Variants in LGALS3BP observed in about 807,000 individuals in gnomAD.
The protein encoded by LGALS3BP is galectin-3-binding protein.
Under a neutral mutation model 22.9 loss-of-function variants are expected in LGALS3BP, and 25 were observed. The observed-to-expected ratio is 1.09, with a 90% CI of 0.80 to 1.53. The LOEUF is 1.53. Among genes scored for constraint, LGALS3BP ranks in the 40% most tolerant of loss-of-function variants. LGALS3BP has a pLI of 0.00. For missense variants in LGALS3BP, 718 were observed against 752.0 expected (o/e 0.95, Z 0.53); for synonymous variants, 335 against 331.1 (o/e 1.01, Z -0.13).
In LGALS3BP at chr17:78,972,354, GT is replaced by G. The variant is rs747815135; in HGVS notation, c.979del (p.Thr327ProfsTer24). The G allele has an allele frequency of 6.2e-7, 1 of 1,613,374 alleles. No individual in the cohort carries two copies. The highest frequency in any genetic ancestry group is 8.5e-7 in the Non-Finnish European group (1 of 1,180,024). Reference protein sequence around the residue: ...SELALLKAVDTWSWGERASHE... With the variant: ...SELALLKAVDXWSWGERASHE... ...GGAGGCACGCTCCCCCCAGCTCCAG[GT>G]GTCCACGGCCTTCAGTAGGGCCAGC... On this transcript the variant is annotated frameshift_variant, in exon 6 of 6. Coordinates refer to ENST00000262776, the MANE Select transcript of LGALS3BP (RefSeq NM_005567.4). LOFTEE classifies it low-confidence loss of function (END_TRUNC). The surrounding 1 kb of genome is among the most constrained non-coding windows in gnomAD (Gnocchi z 5.1).
chr17:78,973,915 C>T lies in LGALS3BP; in HGVS notation c.377-693G>A, dbSNP rs2070696930. On this transcript the variant is annotated intron_variant, in intron 4 of 5. Transcript: ENST00000262776. This position sits in a 1 kb window ranked among gnomAD's most constrained non-coding sequence, Gnocchi z 5.8. Reference sequence around the variant, plus strand: ...CCCCAGCTCCCTCCCACCTGCACGCCTTACCACAGCTCTCCTGCCCCAGGA... The same window carrying T: ...CCCCAGCTCCCTCCCACCTGCACGCTTTACCACAGCTCTCCTGCCCCAGGA... 6.6e-6 allele frequency among the ~76,000 whole-genome samples: 1 copy of T among 152,388 alleles called. No homozygotes were observed. The highest frequency in any genetic ancestry group is 1.5e-5 in the Non-Finnish European group (1 of 68,042).
chr17:78,975,918 C>A (rs769738919), intron 3 of LGALS3BP, 47 bp downstream of exon 3: 1 of 1,428,358 alleles, frequency 7.0e-7, no homozygotes, highest in South Asian at 1.4e-5. Flanking sequence ...TGGGAGCTGG[C>A]TGTGCTGTGG....
In LGALS3BP at chr17:78,973,054, G is replaced by A. The variant is rs1453278819; in HGVS notation, c.545C>T (p.Ala182Val). The A allele has an allele frequency of 2.5e-6, 4 of 1,613,882 alleles. No individual in the cohort carries two copies. The highest frequency in any genetic ancestry group is 3.4e-6 in the Non-Finnish European group (4 of 1,179,984). The change falls in exon 5 of 6, where the codon GCC becomes GTC. Residue 182 changes from alanine to valine, a missense_variant. Coordinates refer to ENST00000262776, the MANE Select transcript of LGALS3BP (RefSeq NM_005567.4). This position sits in a 1 kb window ranked among gnomAD's most constrained non-coding sequence, Gnocchi z 5.8. The stretch of plus-strand genomic sequence containing the variant: ...GCCCGGCTCCTTCCACAGGGCCTGG[G>A]CCTCCAGGTTGGCAGTCAGGATGAC... ...HTVILTANLE[A>V]QALWKEPGSN...
rs775100359 is a variant in LGALS3BP at position 78,971,756 on chromosome 17, G to C, written c.1578C>G (p.Cys526Trp). The C allele has an allele frequency of 6.2e-7, 1 of 1,614,100 alleles. No homozygotes were observed. The highest frequency in any genetic ancestry group is 8.5e-7 in the Non-Finnish European group (1 of 1,180,046). The change falls in exon 6 of 6, where the codon TGC (cysteine) becomes TGG (tryptophan). Residue 526 changes from cysteine (C) to tryptophan (W), a missense_variant. Coordinates refer to ENST00000262776, the MANE Select transcript of LGALS3BP (RefSeq NM_005567.4). This position sits in a 1 kb window ranked among gnomAD's most constrained non-coding sequence, Gnocchi z 5.6. ...IAYENKALML[C>W]EGLFVADVTD... The stretch of plus-strand genomic sequence containing the variant: ...TGACGTCTGCCACGAAGAGCCCTTC[G>C]CAGAGCATCAGGGCTTTGTTTTCGT...
chr17:78,975,906 C>T, intron 3 of LGALS3BP, 59 bp downstream of exon 3: 1 of 1,334,838 alleles, frequency 7.5e-7, no homozygotes, highest in South Asian at 1.5e-5. Context: ...ATTTGCCCCT[C>T]CTGGGAGCTG....
Position 78,971,759 on chromosome 17 carries a change from G to A in LGALS3BP, c.1575C>T (p.Leu525=). 1 of 1,614,114 alleles carries A rather than the reference G, an allele frequency of 6.2e-7. No homozygotes were observed. The highest frequency in any genetic ancestry group is 8.5e-7 in the Non-Finnish European group (1 of 1,180,034). The change falls in exon 6 of 6, where the codon CTC becomes CTT. Residue 525 remains leucine (L), a synonymous_variant. Transcript: ENST00000262776. The surrounding 1 kb of genome is among the most constrained non-coding windows in gnomAD (Gnocchi z 5.6). ...TIAYENKALM[L]CEGLFVADVT... ...CGTCTGCCACGAAGAGCCCTTCGCA[G>A]AGCATCAGGGCTTTGTTTTCGTAGG...
chr17:78,979,342 G>A (rs1190343938), intron 1 of LGALS3BP: 1 of 152,310 alleles, frequency 6.6e-6, no homozygotes, highest in Non-Finnish European at 1.5e-5. Flanking sequence ...TGTACACAGA[G>A]GCCCTGTGGG....
intron 1 of LGALS3BP, 116 bp from the exon 2 acceptor site, chr17:78,977,330 C>T: frequency 1.3e-6 from 1 of 799,576 alleles, no homozygotes. Context: ...AGGCGGGGTC[C>T]CTCTCTTGCA....
chr17:78,972,437 G>A lies in LGALS3BP; in HGVS notation c.897C>T (p.Val299=). 1 of 1,613,424 alleles carries A rather than the reference G, an allele frequency of 6.2e-7. No homozygotes were observed. The highest frequency in any genetic ancestry group is 8.5e-7 in the Non-Finnish European group (1 of 1,179,980). Residue 299 remains valine, a synonymous_variant, in exon 6 of 6, where the codon GTC becomes GTT. Coordinates refer to ENST00000262776, the MANE Select transcript of LGALS3BP (RefSeq NM_005567.4). The surrounding 1 kb of genome is among the most constrained non-coding windows in gnomAD (Gnocchi z 5.1). The part of the protein sequence containing the change: ...ALTQAEAWPS[V]PTDLLQLLLP... ...GCAGCAGTTGGAGCAGGTCTGTGGGGACACTGGGCCAGGCCTCGGCCTGCG... is the reference window on the plus strand; with the variant it reads ...GCAGCAGTTGGAGCAGGTCTGTGGGAACACTGGGCCAGGCCTCGGCCTGCG...
chr17:78,971,518 G>T lies in LGALS3BP; in HGVS notation c.*58C>A. The T allele has an allele frequency of 6.6e-7, 1 of 1,509,854 alleles. No homozygotes were observed. The highest frequency in any genetic ancestry group is 9.0e-7 in the Non-Finnish European group (1 of 1,108,686). 93.5% of individuals were successfully genotyped at this position (1,509,854 alleles called of 1,614,324 possible). ...GAGAGGAAGGAAGCCGAGGAGGGGA[G>T]CCTGCAGTGAGGGCGTCCTGGGGTT... On this transcript the variant is annotated 3_prime_UTR_variant, in exon 6 of 6. Transcript: ENST00000262776. This position sits in a 1 kb window ranked among gnomAD's most constrained non-coding sequence, Gnocchi z 5.6.
At position 78,972,090 on chromosome 17, in the gene LGALS3BP, C is replaced by T. The variant is rs560851327; in HGVS notation, c.1244G>A (p.Ser415Asn). ...CCAGGAACTGTCTGTCACAAAGGCA[C>T]TCCAGGTGGGCGAGGTGTAAATCCG... The part of the protein sequence containing the change: ...KPRIYTSPTW[S>N]AFVTDSSWSA... The change falls in exon 6 of 6, where the codon AGT becomes AAT. Residue 415 changes from serine to asparagine, a missense_variant. Transcript: ENST00000262776. The surrounding 1 kb of genome is among the most constrained non-coding windows in gnomAD (Gnocchi z 5.1). 4.1e-5 allele frequency: 66 copies of T among 1,613,558 alleles called. No homozygotes were observed. In the South Asian group the frequency reaches 6.7e-4, roughly 16 times the overall value.
Position 78,972,543 on chromosome 17 carries a change from T to C in LGALS3BP, c.791A>G (p.Tyr264Cys). 6.2e-7 allele frequency: 1 copy of C among 1,609,878 alleles called. No individual in the cohort carries two copies. The highest frequency in any genetic ancestry group is 8.5e-7 in the Non-Finnish European group (1 of 1,177,242). ...GTCCCCTGTGGCCACTGCATAGGCA[T>C]ACAGGTCCAGGGGCATCTGGAACGA... is the stretch of plus-strand genomic sequence containing the variant. ...DPSFQMPLDL[Y>C]AYAVATGDAL... The change falls in exon 6 of 6, where the codon TAT (tyrosine) becomes TGT (cysteine). Residue 264 changes from tyrosine to cysteine, a missense_variant. Coordinates refer to ENST00000262776, the MANE Select transcript of LGALS3BP (RefSeq NM_005567.4). This position sits in a 1 kb window ranked among gnomAD's most constrained non-coding sequence, Gnocchi z 5.1.
intron 2 of LGALS3BP, 111 bp downstream of exon 2, chr17:78,977,029 C>A: frequency 6.3e-6 from 7 of 1,118,282 alleles, no homozygotes; most frequent in Non-Finnish European, 8.0e-6. Context: ...ATCTGGCTAA[C>A]CGCTGGGCCC....
chr17:78,972,074 G>A lies in LGALS3BP; in HGVS notation c.1260C>T (p.Asp420=), dbSNP rs1318676810. 6.2e-7 allele frequency: 1 copy of A among 1,613,876 alleles called. No individual in the cohort carries two copies. Among genetic ancestry groups the A allele is most frequent in the Non-Finnish European group, 8.5e-7 (1 of 1,179,842 alleles). The part of the protein sequence containing the change: ...TSPTWSAFVT[D]SSWSARKSQL... ...GTGACTTCCGTGCACTCCAGGAACT[G>A]TCTGTCACAAAGGCACTCCAGGTGG... The change falls in exon 6 of 6, where the codon GAC becomes GAT. Residue 420 remains aspartate, a synonymous_variant. Coordinates refer to ENST00000262776, the MANE Select transcript of LGALS3BP (RefSeq NM_005567.4). This position sits in a 1 kb window ranked among gnomAD's most constrained non-coding sequence, Gnocchi z 5.1.
rs930485160 is a variant in LGALS3BP, at chr17:78,976,298, G to A, written c.53-142C>T. On this transcript the variant is annotated intron_variant, in intron 2 of 5. Coordinates refer to ENST00000262776, the MANE Select transcript of LGALS3BP (RefSeq NM_005567.4). This position sits in a 1 kb window ranked among gnomAD's most constrained non-coding sequence, Gnocchi z 4.6. Reference sequence around the variant, plus strand: ...AGGTCCCCTGGCCTCTCCATGAGGGGCACCTCCATGAGGGAGGAGTGGAAG... The same window carrying A: ...AGGTCCCCTGGCCTCTCCATGAGGGACACCTCCATGAGGGAGGAGTGGAAG... 5 of 698,384 alleles carry A rather than the reference G, an allele frequency of 7.2e-6. No homozygotes were observed. In the African/African-American group the frequency reaches 7.2e-5, roughly 10 times the overall value. The allele number at this position is 698,384 out of a possible 1,614,324, so 43.3% of individuals were successfully genotyped here. A position where few individuals can be genotyped will look rare whatever the true frequency, so the allele number is the denominator to read the frequency against.
intron 4 of LGALS3BP, 83 bp downstream of exon 4, chr17:78,974,604 TG>T (rs975210293): frequency 4.6e-5 from 67 of 1,465,436 alleles, no homozygotes; most frequent in South Asian, 6.1e-5. Context: ...TTCATGTGCG[TG>T]GGGGGGTGGT....
chr17:78,972,749 AG>A lies in LGALS3BP; in HGVS notation c.630-46del, dbSNP rs748866890. 1.2e-5 allele frequency: 18 copies of A among 1,511,572 alleles called. No homozygotes were observed. The South Asian group carries it at 2.1e-4, about 18-fold the overall frequency. 93.6% of individuals were successfully genotyped at this position (1,511,572 alleles called of 1,614,324 possible). ...GCAGATGCCGGCCCCACAGGACAGC[AG>A]GGGAGCCCTGGGCCCAACTGTCCAA... On this transcript the variant is annotated intron_variant, in intron 5 of 5. Coordinates refer to ENST00000262776, the MANE Select transcript of LGALS3BP (RefSeq NM_005567.4). The surrounding 1 kb of genome is among the most constrained non-coding windows in gnomAD (Gnocchi z 5.1).
rs546992161 is a variant in LGALS3BP, at chr17:78,976,581, C to T, written c.53-425G>A. Reference sequence around the variant, plus strand: ...GCAGGCCTAGGGACCCCTGGGAGCACAGGCAGAATGTTTCCAGGGCAGATA... The same window carrying T: ...GCAGGCCTAGGGACCCCTGGGAGCATAGGCAGAATGTTTCCAGGGCAGATA... On this transcript the variant is annotated intron_variant, in intron 2 of 5. Transcript: ENST00000262776. The surrounding 1 kb of genome is among the most constrained non-coding windows in gnomAD (Gnocchi z 4.6). Among the ~76,000 whole-genome samples, 31 of 152,240 alleles carry T rather than the reference C, an allele frequency of 2.0e-4. No homozygotes were observed. Among genetic ancestry groups the T allele is most frequent in the African/African-American group, 7.5e-4 (31 of 41,550 alleles).
At position 78,976,156 on chromosome 17, in the gene LGALS3BP, C is replaced by G. The variant is rs751889736; in HGVS notation, c.53G>C (p.Gly18Ala). The change falls in exon 3 of 6, where the codon GGC (glycine) becomes GCC (alanine). Residue 18 changes from glycine (G) to alanine (A), a missense_variant and splice_region_variant. Coordinates refer to ENST00000262776, the MANE Select transcript of LGALS3BP (RefSeq NM_005567.4). The surrounding 1 kb of genome is among the most constrained non-coding windows in gnomAD (Gnocchi z 4.6). ...WVWLLVAGTQGVNDGDMRLAD... is the reference protein window; with the variant it reads ...WVWLLVAGTQAVNDGDMRLAD... ...CAGCCGCATGTCACCATCGTTCACG[C>G]CTGCAGGCAGAGACCAGCGAGGGCG... is the stretch of plus-strand genomic sequence containing the variant. The G allele has an allele frequency of 3.2e-6, 5 of 1,571,300 alleles. No homozygotes were observed. The South Asian group carries it at 5.8e-5, about 18-fold the overall frequency.
Sources: gnomAD v4.1 joint callset for allele counts (sites outside exome capture counted in the v4.1 genomes callset) on GRCh38, gnomAD v4.1.1 for gene constraint, Gnocchi (gnomAD v3.1) non-coding constraint, MANE v1.5 for transcripts, NCBI Gene and HGNC (gene_info 2026-07-23, HGNC 2026-07-21) for gene names.